Variants in EVI5 observed in about 807,000 individuals in gnomAD.
The protein encoded by EVI5 is ecotropic viral integration site 5 protein homolog.
A neutral mutation model predicts 112.0 loss-of-function variants in EVI5; 73 were observed. The observed-to-expected ratio is 0.65, with a 90% CI of 0.54 to 0.79. EVI5 has a LOEUF of 0.79. Ranked by LOEUF, EVI5 falls within the 30% of genes least tolerant of loss-of-function variation. EVI5 has a pLI of 0.00. For missense variants in EVI5, 900 were observed against 968.8 expected, an observed-to-expected ratio of 0.93 and a Z score of 0.94; for synonymous variants, 305 against 319.9, an observed-to-expected ratio of 0.95 and a Z score of 0.50.
chr1:92,677,304 C>T, intron 9 of EVI5, 86 bp from the exon 10 acceptor site: 1 of 654,176 alleles, frequency 1.5e-6, no homozygotes. Flanking sequence ...TACATATGAA[C>T]ATAAAATACA....
chr1:92,642,206 G>C (rs1034650158), intron 13 of EVI5, among the ~76,000 whole-genome samples: 13 of 152,020 alleles, frequency 8.6e-5, no homozygotes, highest in African/African-American at 3.1e-4. Context: ...CATCCTTTAA[G>C]AAGACATTTA....
At chr1:92,517,885 C>CTTTTTT (rs35504849) in intron 19 of EVI5, among the ~76,000 whole-genome samples, 53 of 102,200 alleles carry the variant, frequency 5.2e-4, no homozygotes, top group Non-Finnish European at 6.4e-4. Context: ...ATATTATATG[C>CTTTTTT]TTTTTTTTTT....
intron 2 of EVI5, among the ~76,000 whole-genome samples, chr1:92,717,105 G>A (rs555080431): frequency 9.2e-5 from 14 of 152,150 alleles, no homozygotes; most frequent in Admixed American, 1.3e-4. Flanking sequence ...TGATGGAGCC[G>A]AAAACCATGG....
At chr1:92,659,940 T>C (rs1416766804) in intron 13 of EVI5, among the ~76,000 whole-genome samples, 1 of 151,988 alleles carries the variant, frequency 6.6e-6, no homozygotes, top group African/African-American at 2.4e-5. Context: ...TGGAGCAACA[T>C]GGATAAAACT....
chr1:92,625,848 A>G lies in EVI5; in HGVS notation c.1614T>C (p.Ile538=). ...IAVKLREAEA[I]MGLKELRQQV... is the part of the protein sequence containing the mutation. Reference sequence around the variant, plus strand: ...GCTGTCTAAGTTCTTTCAAACCCATAATGGCTTCTGCTTCTCTAAGTTTCA... The same window carrying G: ...GCTGTCTAAGTTCTTTCAAACCCATGATGGCTTCTGCTTCTCTAAGTTTCA... The change falls in exon 15 of 20, where the codon ATT becomes ATC. Residue 538 remains isoleucine, a synonymous_variant. Transcript: ENST00000684568. 4 of 1,612,792 alleles carry G rather than the reference A, an allele frequency of 2.5e-6. No homozygotes were observed. Among genetic ancestry groups the G allele is most frequent in the Non-Finnish European group, 3.4e-6 (4 of 1,178,972 alleles).
Position 92,636,282 on chromosome 1 carries a change from A to G in EVI5, c.1447T>C (p.Leu483=). Residue 483 remains leucine, a synonymous_variant, in exon 14 of 20, where the codon TTG becomes CTG. Coordinates refer to ENST00000684568, the MANE Select transcript of EVI5 (RefSeq NM_001350197.2). The part of the protein sequence containing the change: ...EDFVLQLEKE[L]VQARLSEAES... ...GCTTCACTCAGTCGGGCTTGGACCA[A>G]TTCCTTCTCTAGCTGTAGCACAAAA... is the stretch of plus-strand genomic sequence containing the variant. 1 of 1,613,764 alleles carries G rather than the reference A, an allele frequency of 6.2e-7. No homozygotes were observed. The highest frequency in any genetic ancestry group is 8.5e-7 in the Non-Finnish European group (1 of 1,179,712).
At chr1:92,609,684 C>T (rs1335399410) in intron 16 of EVI5, among the ~76,000 whole-genome samples, 1 of 151,830 alleles carries the variant, frequency 6.6e-6, no homozygotes, top group African/African-American at 2.4e-5. Context: ...AATAAATGTT[C>T]AGTTGTTGCC....
chr1:92,594,786 C>T (rs1423453700), intron 18 of EVI5, among the ~76,000 whole-genome samples: 1 of 149,908 alleles, frequency 6.7e-6, no homozygotes, highest in African/African-American at 2.4e-5. Context: ...CAAAAGAAGA[C>T]ATTTATGCAG....
rs1669880247 is a variant in EVI5 at position 92,693,853 on chromosome 1, T to C, written c.1046A>G (p.Lys349Arg). 17 of 1,608,442 alleles carry C rather than the reference T, an allele frequency of 1.1e-5. No homozygotes were observed. The highest frequency in any genetic ancestry group is 5.0e-5 in the Admixed American group (3 of 59,932). ...IPHQFDGVPD[K>R]LIQAAYQVKY... is the part of the protein sequence containing the mutation. Reference sequence around the variant, plus strand: ...GACTTGGTAAGCTGCTTGGATTAGCTTGTCTGGGACACCATCAAACTGATG... The same window carrying C: ...GACTTGGTAAGCTGCTTGGATTAGCCTGTCTGGGACACCATCAAACTGATG... The change falls in exon 9 of 20, where the codon AAG (lysine) becomes AGG (arginine). Residue 349 changes from lysine to arginine, a missense_variant. By Grantham distance (26) the Lys-to-Arg change is conservative. Transcript: ENST00000684568.
At chr1:92,741,083 T>A (rs1007214774) in intron 1 of EVI5, among the ~76,000 whole-genome samples, 1 of 152,254 alleles carries the variant, frequency 6.6e-6, no homozygotes, top group Non-Finnish European at 1.5e-5. Flanking sequence ...GGTACTGTTG[T>A]AAACACTTTA....
chr1:92,625,693 A>T, intron 15 of EVI5, 101 bp downstream of exon 15: 1 of 954,764 alleles, frequency 1.0e-6, no homozygotes, highest in Non-Finnish European at 1.6e-6. Flanking sequence ...CTCTCACTTT[A>T]AACTCATCTA....
rs559660887 is a variant in EVI5, at chr1:92,724,925, T to C, written c.149+11473A>G. Among the ~76,000 whole-genome samples, 86 of 152,260 alleles carry C rather than the reference T, an allele frequency of 5.6e-4. 1 individual carries two copies. In the South Asian group the frequency reaches 0.017, roughly 31 times the overall value. The stretch of plus-strand genomic sequence containing the variant: ...CTCTGTGACTGCCATTTTAACCACC[T>C]TGAAATTCAGTTTCAGGGCCCTATA... On this transcript the variant is annotated intron_variant, in intron 2 of 19. Transcript: ENST00000684568.
chr1:92,558,387 C>T lies in EVI5; in HGVS notation c.2166+5255G>A, dbSNP rs140462002. On this transcript the variant is annotated intron_variant, in intron 19 of 19. Transcript: ENST00000684568. ...TTCATTTGCAGTAAGGAATCTCAAC[C>T]TTACTACAAATCTTAGCATAAAAAT... Among the ~76,000 whole-genome samples the T allele has an allele frequency of 6.6e-5, 10 of 152,278 alleles. 1 individual carries two copies. Among genetic ancestry groups the T allele is most frequent in the African/African-American group, 2.4e-4 (10 of 41,540 alleles).
rs183170267 is a variant in EVI5 at position 92,743,959 on chromosome 1, C to T, written c.-81-7332G>A. Among the ~76,000 whole-genome samples, 611 of 152,152 alleles carry T rather than the reference C, an allele frequency of 4.0e-3. 5 individuals are homozygous for T. Among genetic ancestry groups the T allele is most frequent in the South Asian group, 7.7e-3 (37 of 4,820 alleles). On this transcript the variant is annotated intron_variant, in intron 1 of 19. Coordinates refer to ENST00000684568, the MANE Select transcript of EVI5 (RefSeq NM_001350197.2). ...GAAGCTTAATCACTGATTTTTGAAT[C>T]TTTTTTTCTACTATATGATTCAATA... is the stretch of plus-strand genomic sequence containing the variant.
chr1:92,693,940 G>A, intron 8 of EVI5, 41 bp from the exon 9 acceptor site: 1 of 1,150,984 alleles, frequency 8.7e-7, no homozygotes, highest in Non-Finnish European at 1.3e-6. Context: ...ATGACTTAGT[G>A]CTGTTAATAG....
At chr1:92,572,620 T>A (rs993101814) in intron 18 of EVI5, among the ~76,000 whole-genome samples, 1 of 152,108 alleles carries the variant, frequency 6.6e-6, no homozygotes, top group Non-Finnish European at 1.5e-5. Flanking sequence ...AAGATCTATA[T>A]GCTCTCCCCC....
intron 19 of EVI5, among the ~76,000 whole-genome samples, chr1:92,543,748 A>C (rs929741415): frequency 2.0e-5 from 3 of 152,234 alleles, no homozygotes; most frequent in African/African-American, 7.2e-5. Context: ...GATCACCAGA[A>C]GGTATAATAG....
intron 19 of EVI5, among the ~76,000 whole-genome samples, chr1:92,551,353 C>G (rs963969326): frequency 2.6e-5 from 4 of 152,056 alleles, no homozygotes; most frequent in African/African-American, 9.7e-5. Context: ...ATTCCTCCCC[C>G]TTCTCCATTT....
intron 13 of EVI5, among the ~76,000 whole-genome samples, chr1:92,659,341 C>T (rs1196097582): frequency 6.6e-6 from 1 of 152,024 alleles, no homozygotes; most frequent in African/African-American, 2.4e-5. Context: ...AAAATATTTG[C>T]AAACTACACA....
Sources: gnomAD v4.1 joint callset for allele counts (sites outside exome capture counted in the v4.1 genomes callset) on GRCh38, gnomAD v4.1.1 for gene constraint, MANE v1.5 for transcripts, NCBI Gene and HGNC (gene_info 2026-07-23, HGNC 2026-07-21) for gene names.